The following METTL25 variants were observed in gnomAD, a reference collection of about 807,000 sequenced individuals.
METTL25 encodes the protein probable methyltransferase-like protein 25.
METTL25 carries 64 observed loss-of-function variants against 71.6 expected under a neutral mutation model. The observed-to-expected ratio is 0.89, with a 90% CI of 0.73 to 1.10. The LOEUF (loss-of-function observed/expected upper bound fraction) is 1.10. Ranked by LOEUF, METTL25 falls within the 50% of genes least tolerant of loss-of-function variation. The pLI is 0.00. For synonymous variants in METTL25, 287 were observed against 250.3 expected, an observed-to-expected ratio of 1.15 and a Z score of -1.38; for missense variants, 807 against 707.0, an observed-to-expected ratio of 1.14 and a Z score of -1.60.
chr12:82,388,450 A>C (rs1016946610), intron 2 of METTL25, among the ~76,000 whole-genome samples: 2 of 152,044 alleles, frequency 1.3e-5, no homozygotes, highest in Non-Finnish European at 2.9e-5. Context: ...TAGCAACGTT[A>C]CTATGGGGGC....
At chr12:82,403,194 T>C (rs1287435833) in intron 5 of METTL25, 64 bp downstream of exon 5, 1 of 1,479,888 alleles carries the variant, frequency 6.8e-7, no homozygotes, top group African/African-American at 1.4e-5. Context: ...GCTATTTCTA[T>C]TTTCTATTTC....
At chr12:82,457,892 T>G (rs536296365) in intron 9 of METTL25, among the ~76,000 whole-genome samples, 1 of 151,742 alleles carries the variant, frequency 6.6e-6, no homozygotes, top group East Asian at 1.9e-4. Flanking sequence ...TAGGTTATTT[T>G]AAAAAAAATG....
At chr12:82,471,590 A>G (rs1489324201) in intron 9 of METTL25, among the ~76,000 whole-genome samples, 1 of 152,232 alleles carries the variant, frequency 6.6e-6, no homozygotes, top group East Asian at 1.9e-4. Context: ...CTTAACAGTA[A>G]CATTAGGGCA....
At chr12:82,377,528 T>C (rs1565808473) in intron 1 of METTL25, among the ~76,000 whole-genome samples, 2 of 152,210 alleles carry the variant, frequency 1.3e-5, no homozygotes, top group Admixed American at 6.5e-5. Flanking sequence ...ATAATGAAAA[T>C]ACTGGAGAGT....
chr12:82,417,863 A>C (rs556458975), intron 5 of METTL25, among the ~76,000 whole-genome samples: 2 of 152,166 alleles, frequency 1.3e-5, no homozygotes, highest in Non-Finnish European at 2.9e-5. Context: ...TTGAGCAGAC[A>C]GTTGAAAGAT....
At chr12:82,363,550 A>G (rs939134028) in intron 1 of METTL25, among the ~76,000 whole-genome samples, 1 of 152,138 alleles carries the variant, frequency 6.6e-6, no homozygotes, top group African/African-American at 2.4e-5. Context: ...AAAAGCAACT[A>G]AGCAGAGACA....
At chr12:82,370,571 G>A (rs1044780879) in intron 1 of METTL25, among the ~76,000 whole-genome samples, 1 of 152,188 alleles carries the variant, frequency 6.6e-6, no homozygotes, top group African/African-American at 2.4e-5. Context: ...GTCCTTGGCG[G>A]TTTTGGACAG....
chr12:82,383,981 C>G (rs1334682197), intron 1 of METTL25, among the ~76,000 whole-genome samples: 2 of 152,110 alleles, frequency 1.3e-5, no homozygotes, highest in Non-Finnish European at 2.9e-5. Flanking sequence ...AAGAACCCAT[C>G]TTATAACTTG....
At chr12:82,475,493 T>C (rs886143345) in intron 9 of METTL25, among the ~76,000 whole-genome samples, 2 of 152,080 alleles carry the variant, frequency 1.3e-5, no homozygotes, top group Non-Finnish European at 2.9e-5. Context: ...TCAGAAGAAA[T>C]TTAGTGCTAT....
At chr12:82,477,201 T>C in intron 10 of METTL25, 80 bp from the exon 11 acceptor site, 1 of 637,798 alleles carries the variant, frequency 1.6e-6, no homozygotes, top group Non-Finnish European at 2.7e-6. Flanking sequence ...ATACATTTAT[T>C]TAAACATAAG....
intron 1 of METTL25, among the ~76,000 whole-genome samples, chr12:82,376,622 T>C (rs1883887350): frequency 2.0e-5 from 3 of 152,248 alleles, no homozygotes; most frequent in Non-Finnish European, 4.4e-5. Flanking sequence ...CTATTGACTA[T>C]AAAAGCATTA....
At chr12:82,460,307 A>G (rs1816079162) in intron 9 of METTL25, among the ~76,000 whole-genome samples, 1 of 152,234 alleles carries the variant, frequency 6.6e-6, no homozygotes, top group South Asian at 2.1e-4. Flanking sequence ...AAAGAGTTCC[A>G]AATAATTTAT....
At chr12:82,456,633 A>G (rs1179278736) in intron 8 of METTL25, 94 bp from the exon 9 acceptor site, 6 of 671,680 alleles carry the variant, frequency 8.9e-6, no homozygotes, top group Non-Finnish European at 1.5e-5. Context: ...TGCTATATCC[A>G]CAGAAAATAT....
rs140860672 is a variant in METTL25, at chr12:82,364,862, ATTG to A, written c.259+6041_259+6043del. ...TTGCCATATTAATAAATAACATACTATTGTTATTGTCTGTTGGCTTGTCTGTAT... is the reference window on the plus strand; with the variant it reads ...TTGCCATATTAATAAATAACATACTATTATTGTCTGTTGGCTTGTCTGTAT... On this transcript the variant is annotated intron_variant, in intron 1 of 11. Transcript: ENST00000248306. 1.4e-3 allele frequency among the ~76,000 whole-genome samples: 217 copies of A among 152,238 alleles called. 1 individual carries two copies. The East Asian group carries it at 0.018, about 13-fold the overall frequency.
At chr12:82,369,785 TTG>T (rs143755217) in intron 1 of METTL25, among the ~76,000 whole-genome samples, 140,475 of 151,984 alleles carry the variant, frequency 0.92, 65,239 homozygotes, top group East Asian at 1. Context: ...TTACAGAGTG[TTG>T]ATTGGTGCGT....
chr12:82,443,462 CAAAAA>C (rs67737833), intron 8 of METTL25, among the ~76,000 whole-genome samples: 4 of 96,610 alleles, frequency 4.1e-5, no homozygotes, highest in Non-Finnish European at 6.7e-5. Context: ...CAGAGGAGAC[CAAAAA>C]AAAAAAAAAA....
chr12:82,420,786 A>C (rs921103408), intron 5 of METTL25, among the ~76,000 whole-genome samples: 2 of 152,132 alleles, frequency 1.3e-5, no homozygotes, highest in East Asian at 3.8e-4. Flanking sequence ...TAATATTAAA[A>C]GGAGAAAAGG....
chr12:82,394,288 T>C (rs971497785), intron 3 of METTL25, among the ~76,000 whole-genome samples: 4 of 152,000 alleles, frequency 2.6e-5, no homozygotes, highest in African/African-American at 9.7e-5. Flanking sequence ...AATGGGACTG[T>C]TGAAGTCCCC....
chr12:82,475,333 G>C (rs1267847489), intron 9 of METTL25, among the ~76,000 whole-genome samples: 2 of 152,054 alleles, frequency 1.3e-5, no homozygotes. Flanking sequence ...GGACTCATTT[G>C]ATTCAAAAAA....
Sources: allele counts gnomAD v4.1 joint callset (sites outside exome capture counted in the v4.1 genomes callset), GRCh38; gene constraint gnomAD v4.1.1; transcripts MANE v1.5; gene names NCBI Gene and HGNC (gene_info 2026-07-23, HGNC 2026-07-21).